LEMD2: variants seen among roughly 807,000 people sequenced by gnomAD.
LEMD2 encodes LEM domain nuclear envelope protein 2.
LEMD2 carries 34 observed loss-of-function variants against 58.8 expected under a neutral mutation model. The observed-to-expected ratio is 0.58, with a 90% confidence interval of 0.44 to 0.77. The LOEUF (loss-of-function observed/expected upper bound fraction) is 0.77, where lower values mean the gene tolerates loss of function less well. Among genes scored for constraint, LEMD2 ranks in the 30% least tolerant of loss-of-function variants. The probability of loss-of-function intolerance (pLI) is 0.00; values close to 1 mark genes in which losing one functional copy is unlikely to be tolerated. For missense variants in LEMD2, 629 were observed against 717.9 expected, an observed-to-expected ratio of 0.88 and a Z score of 1.42; for synonymous variants, 298 against 308.9, an observed-to-expected ratio of 0.96 and a Z score of 0.37.
rs1264899576 is a variant in LEMD2 at position 33,772,730 on chromosome 6, G to C, written c.1410C>G (p.Ser470=). Residue 470 remains serine (S), a synonymous_variant, in exon 9 of 9, where the codon TCC becomes TCG. Coordinates refer to ENST00000293760, the MANE Select transcript of LEMD2 (RefSeq NM_181336.4). ...ACTCCGTCTGGATCCGGGATTCGTTGGAGGCCAGGAACTCCACAGCTCGGT... is the reference window on the plus strand; with the variant it reads ...ACTCCGTCTGGATCCGGGATTCGTTCGAGGCCAGGAACTCCACAGCTCGGT... ...VWDRAVEFLA[S]NESRIQTESH... 3 of 1,614,018 alleles carry C rather than the reference G, an allele frequency of 1.9e-6. No homozygotes were observed. Among genetic ancestry groups the C allele is most frequent in the Non-Finnish European group, 2.5e-6 (3 of 1,180,014 alleles).
chr6:33,777,232 A>C lies in LEMD2; in HGVS notation c.1164T>G (p.Ala388=). ...TNVLIFFWCL[A]FLWGLLILLK... ...GGAGAATTAGGAGCCCCCACAAAAA[A>C]GCCAAGCCTGTGAGGGAACAAAACA... Residue 388 remains alanine (A), a synonymous_variant, in exon 7 of 9, where the codon GCT becomes GCG. Transcript: ENST00000293760. The C allele has an allele frequency of 6.2e-7, 1 of 1,613,168 alleles. No homozygotes were observed. Among genetic ancestry groups the C allele is most frequent in the Non-Finnish European group, 8.5e-7 (1 of 1,179,130 alleles).
intron 1 of LEMD2, chr6:33,787,087 C>T: frequency 2.8e-6 from 1 of 362,088 alleles, no homozygotes. Flanking sequence ...TGGGCCTTCC[C>T]TGCTTAACTC....
intron 6 of LEMD2, among the ~76,000 whole-genome samples, chr6:33,777,476 C>G (rs148471876): frequency 1.3e-5 from 2 of 152,366 alleles, no homozygotes; most frequent in African/African-American, 4.8e-5. Context: ...GCATCCCCAG[C>G]CGTCCAGATC....
Position 33,777,181 on chromosome 6 carries a change from T to C in LEMD2, c.1215A>G (p.Glu405=), listed in dbSNP as rs762939668. 1 of 1,614,200 alleles carries C rather than the reference T, an allele frequency of 6.2e-7. No homozygotes were observed. Among genetic ancestry groups the C allele is most frequent in the Non-Finnish European group, 8.5e-7 (1 of 1,180,034 alleles). The change falls in exon 7 of 9, where the codon GAA becomes GAG. Residue 405 remains glutamate (E), a synonymous_variant. Transcript: ENST00000293760. The part of the protein sequence containing the change: ...ILLKYRWRKL[E]EEEQAMYEMV... Reference sequence around the variant, plus strand: ...TCTCATACATGGCTTGTTCCTCCTCTTCTAACTTTCGCCACCGATATTTTA... The same window carrying C: ...TCTCATACATGGCTTGTTCCTCCTCCTCTAACTTTCGCCACCGATATTTTA...
At chr6:33,777,271 A>C in intron 6 of LEMD2, 32 bp from the exon 7 acceptor site, 1 of 1,428,960 alleles carries the variant, frequency 7.0e-7, no homozygotes, top group South Asian at 1.1e-5. Flanking sequence ...TTAATCCCTC[A>C]CACTTCATTT....
intron 6 of LEMD2, among the ~76,000 whole-genome samples, chr6:33,777,568 C>A (rs1306869085): frequency 6.6e-6 from 1 of 152,162 alleles, no homozygotes; most frequent in Non-Finnish European, 1.5e-5. Context: ...TATATACATG[C>A]CGGGGCCCTT....
chr6:33,784,477 G>GGGGGGGGGGCCCCCCCCC, intron 2 of LEMD2, 50 bp from the exon 3 acceptor site: 10 of 430,752 alleles, frequency 2.3e-5, no homozygotes, highest in East Asian at 1.5e-4. Flanking sequence ...GGTGGGAGGG[G>GGGGGGGGGGCCCCCCCCC]TCCGTCTGTC....
rs558482591 is a variant in LEMD2 at position 33,774,714 on chromosome 6, G to A, written c.1362-1936C>T. Among the ~76,000 whole-genome samples the A allele has an allele frequency of 3.3e-5, 5 of 152,302 alleles. No homozygotes were observed. In the South Asian group the frequency reaches 8.3e-4, roughly 25 times the overall value. ...CAAAGTACTGAGATTACAGGCATGA[G>A]CCACCGTGCCTGGCTACTAGGCAGT... On this transcript the variant is annotated intron_variant, in intron 8 of 8. Transcript: ENST00000293760.
chr6:33,781,437 A>G (rs1041749319), intron 3 of LEMD2: 18 of 403,694 alleles, frequency 4.5e-5, no homozygotes, highest in Non-Finnish European at 7.1e-5. Context: ...GATCCCTAAA[A>G]GAATCAGACA....
intron 4 of LEMD2, 93 bp from the exon 5 acceptor site, chr6:33,780,272 G>A (rs1473208506): frequency 9.2e-7 from 1 of 1,082,750 alleles, no homozygotes; most frequent in African/African-American, 1.6e-5. Context: ...CCTCTCCCGT[G>A]TCCTCCACAG....
intron 3 of LEMD2, among the ~76,000 whole-genome samples, 180 bp downstream of exon 3, chr6:33,784,172 T>C (rs1582261220): frequency 1.3e-5 from 2 of 152,190 alleles, no homozygotes; most frequent in Non-Finnish European, 2.9e-5. Context: ...ACACAAGGCT[T>C]ATAAAAGATG....
chr6:33,788,627 C>T lies in LEMD2; in HGVS notation c.490G>A (p.Ala164Thr). The T allele has an allele frequency of 7.8e-7, 1 of 1,274,320 alleles. No homozygotes were observed. The highest frequency in any genetic ancestry group is 3.2e-5 in the East Asian group (1 of 31,140). The allele number at this position is 1,274,320 out of a possible 1,614,324, so 78.9% of individuals were successfully genotyped here. Residue 164 changes from alanine to threonine, a missense_variant, in exon 1 of 9, where the codon GCA becomes ACA. Transcript: ENST00000293760. ...GPGLAARRWW[A>T]ASPAPARLPS... ...AGCCGCGCCGGGGCGGGAGACGCTG[C>T]CCACCAGCGGCGGGCCGCGAGACCC...
In LEMD2 at chr6:33,778,234, G is replaced by A. The variant is rs753370559; in HGVS notation, c.1156+8C>T. The A allele has an allele frequency of 2.5e-6, 4 of 1,580,010 alleles. No individual in the cohort carries two copies. In the South Asian group the frequency reaches 4.6e-5, roughly 18 times the overall value. ...ACAGAAGGGGAGGGAAGGCGGCCGA[G>A]GACTTACACCAGAAGAAGATGAGCA... On this transcript the variant is annotated splice_region_variant and intron_variant, in intron 6 of 8. Transcript: ENST00000293760. The surrounding 1 kb of genome is among the most constrained non-coding windows in gnomAD (Gnocchi z 4.7).
rs1767763681 is a variant in LEMD2 at position 33,789,089 on chromosome 6, G to A, written c.28C>T (p.Arg10Trp). The A allele has an allele frequency of 1.1e-5, 17 of 1,540,012 alleles. No individual in the cohort carries two copies. The highest frequency in any genetic ancestry group is 2.0e-5 in the Admixed American group (1 of 50,676). The change falls in exon 1 of 9, where the codon CGG becomes TGG. Residue 10 changes from arginine to tryptophan, a missense_variant. Coordinates refer to ENST00000293760, the MANE Select transcript of LEMD2 (RefSeq NM_181336.4). ...AAGCCCAGGGCCTGCAGCTCCCGCC[G>A]CAGTTCCAGGTCCGACAGGCCGGCC... MAGLSDLELRRELQALGFQP... is the reference protein window; with the variant it reads MAGLSDLELWRELQALGFQP...
At chr6:33,784,498 T>C in intron 2 of LEMD2, 71 bp from the exon 3 acceptor site, 1 of 833,176 alleles carries the variant, frequency 1.2e-6, no homozygotes, top group Non-Finnish European at 2.0e-6. Context: ...CATCTTTACT[T>C]CTCCAGCCAC....
chr6:33,773,468 C>G (rs1351019260), intron 8 of LEMD2, among the ~76,000 whole-genome samples: 1 of 152,154 alleles, frequency 6.6e-6, no homozygotes, highest in Non-Finnish European at 1.5e-5. Flanking sequence ...TGCACAGCCC[C>G]CAGCCTTTTC....
At chr6:33,781,468 G>A in intron 3 of LEMD2, 2 of 296,736 alleles carry the variant, frequency 6.7e-6, no homozygotes, top group Non-Finnish European at 1.2e-5. Context: ...GAAGGTACCG[G>A]AATGGCACTA....
At chr6:33,781,007 C>T in intron 4 of LEMD2, 70 bp downstream of exon 4, 2 of 1,063,894 alleles carry the variant, frequency 1.9e-6, no homozygotes. Context: ...AAAACCCCAA[C>T]AGGGCTTGAA....
chr6:33,774,986 ATG>A (rs1582251757), intron 8 of LEMD2, among the ~76,000 whole-genome samples: 1 of 151,514 alleles, frequency 6.6e-6, no homozygotes, highest in East Asian at 1.9e-4. Context: ...GAATGAATGA[ATG>A]AATGAATGAT....
Sources: gnomAD v4.1 joint callset for allele counts (sites outside exome capture counted in the v4.1 genomes callset) on GRCh38, gnomAD v4.1.1 for gene constraint, Gnocchi (gnomAD v3.1) non-coding constraint, MANE v1.5 for transcripts, NCBI Gene and HGNC (gene_info 2026-07-23, HGNC 2026-07-21) for gene names.